Variants in TCERG1L observed in about 807,000 individuals in gnomAD.
The protein encoded by TCERG1L is transcription elongation regulator 1 like, also known as transcription elongation regulator 1-like protein.
In TCERG1L, 37 loss-of-function variants were observed where a neutral mutation model predicts 56.3. That is an observed-to-expected ratio of 0.66 (90% CI 0.51 to 0.87). The LOEUF (loss-of-function observed/expected upper bound fraction) is 0.87. Among genes scored for constraint, TCERG1L ranks in the 40% least tolerant of loss-of-function variants. The pLI is 0.00. For missense variants in TCERG1L, 799 were observed against 774.2 expected, an observed-to-expected ratio of 1.03 and a Z score of -0.38; for synonymous variants, 324 against 326.3, an observed-to-expected ratio of 0.99 and a Z score of 0.08.
intron 5 of TCERG1L, among the ~76,000 whole-genome samples, chr10:131,165,891 A>G (rs1158650031): frequency 2.0e-5 from 3 of 152,254 alleles, no homozygotes; most frequent in Non-Finnish European, 4.4e-5. Context: ...AAAGTGAATT[A>G]GACTCGAAGA....
intron 8 of TCERG1L, among the ~76,000 whole-genome samples, chr10:131,127,388 G>A (rs1845575107): frequency 6.6e-6 from 1 of 152,216 alleles, no homozygotes; most frequent in African/African-American, 2.4e-5. Context: ...GCATTCCCAG[G>A]CCAGGAGGCA....
At chr10:131,241,214 G>A (rs1009043642) in intron 4 of TCERG1L, among the ~76,000 whole-genome samples, 17 of 152,214 alleles carry the variant, frequency 1.1e-4, no homozygotes, top group African/African-American at 3.9e-4. Flanking sequence ...CGAGGCTGGG[G>A]GTGGGGAACA....
intron 9 of TCERG1L, among the ~76,000 whole-genome samples, chr10:131,111,855 G>A (rs1349820027): frequency 2.1e-5 from 3 of 143,300 alleles, no homozygotes; most frequent in African/African-American, 4.9e-5. Flanking sequence ...TGTTGAGGGC[G>A]GCCTGCCCTT....
At chr10:131,150,900 G>T (rs187352043) in intron 6 of TCERG1L, among the ~76,000 whole-genome samples, 1 of 152,188 alleles carries the variant, frequency 6.6e-6, no homozygotes, top group Non-Finnish European at 1.5e-5. Flanking sequence ...ATGGCAGAAG[G>T]CACCTCTTCA....
intron 3 of TCERG1L, among the ~76,000 whole-genome samples, chr10:131,303,100 G>A (rs959569723): frequency 2.0e-5 from 3 of 151,984 alleles, no homozygotes; most frequent in Non-Finnish European, 2.9e-5. Flanking sequence ...GTGTGCATGT[G>A]TCTTTATAGT....
chr10:131,250,558 T>C (rs1379503332), intron 4 of TCERG1L, among the ~76,000 whole-genome samples: 1 of 152,110 alleles, frequency 6.6e-6, no homozygotes. Context: ...CACACATGGG[T>C]TGTGAACCGA....
At chr10:131,098,240 A>G in intron 11 of TCERG1L, 66 bp downstream of exon 11, 1 of 1,485,018 alleles carries the variant, frequency 6.7e-7, no homozygotes, top group Non-Finnish European at 9.1e-7. Flanking sequence ...ACAAACCTGA[A>G]GAGTCCTCTT....
At chr10:131,255,249 C>G (rs1589763009) in intron 4 of TCERG1L, among the ~76,000 whole-genome samples, 2 of 152,310 alleles carry the variant, frequency 1.3e-5, no homozygotes, top group South Asian at 4.1e-4. Flanking sequence ...CAAAAGTGAA[C>G]AAGATGGTAC....
intron 7 of TCERG1L, among the ~76,000 whole-genome samples, chr10:131,144,596 A>C (rs961962326): frequency 6.6e-6 from 1 of 152,088 alleles, no homozygotes; most frequent in African/African-American, 2.4e-5. Context: ...AAAAAAAAAG[A>C]CTGGTTGAAA....
intron 4 of TCERG1L, among the ~76,000 whole-genome samples, chr10:131,178,916 A>G (rs11017799): frequency 0.034 from 5,169 of 152,356 alleles, 179 homozygotes; most frequent in South Asian, 0.085. Flanking sequence ...CGGTTCCAGC[A>G]GAGCCCCGCT....
chr10:131,105,063 G>C (rs1481526247), intron 9 of TCERG1L, among the ~76,000 whole-genome samples: 1 of 152,244 alleles, frequency 6.6e-6, no homozygotes, highest in African/African-American at 2.4e-5. Context: ...GGCTGTGACA[G>C]GGTCTCAGAT....
chr10:131,305,501 A>G (rs1464548656), intron 3 of TCERG1L, among the ~76,000 whole-genome samples: 1 of 152,034 alleles, frequency 6.6e-6, no homozygotes, highest in Non-Finnish European at 1.5e-5. Flanking sequence ...TAGCTCAACA[A>G]ACGATCCAGT....
chr10:131,182,886 G>A (rs749471940), intron 4 of TCERG1L, among the ~76,000 whole-genome samples: 4 of 152,082 alleles, frequency 2.6e-5, no homozygotes, highest in Non-Finnish European at 5.9e-5. Context: ...AGTTATTCCA[G>A]TCATTTGATA....
chr10:131,164,853 C>T (rs1484266470), intron 5 of TCERG1L, among the ~76,000 whole-genome samples: 3 of 152,174 alleles, frequency 2.0e-5, no homozygotes, highest in Non-Finnish European at 4.4e-5. Context: ...GAAGTCAATG[C>T]TCCAAAGTCC....
chr10:131,123,741 C>T (rs1458206647), intron 8 of TCERG1L, among the ~76,000 whole-genome samples: 2 of 152,288 alleles, frequency 1.3e-5, no homozygotes, highest in South Asian at 4.1e-4. Flanking sequence ...AGAGACAACT[C>T]TGGTAGCACC....
At chr10:131,187,644 G>A (rs1347913145) in intron 4 of TCERG1L, among the ~76,000 whole-genome samples, 1 of 152,170 alleles carries the variant, frequency 6.6e-6, no homozygotes, top group Non-Finnish European at 1.5e-5. Context: ...TGCCGCTTCT[G>A]GGGCCTCCTT....
At chr10:131,268,886 T>A (rs1192218263) in intron 3 of TCERG1L, among the ~76,000 whole-genome samples, 1 of 152,226 alleles carries the variant, frequency 6.6e-6, no homozygotes, top group Non-Finnish European at 1.5e-5. Flanking sequence ...TGATCTTCCA[T>A]CCACACCATT....
intron 3 of TCERG1L, among the ~76,000 whole-genome samples, chr10:131,268,316 T>C (rs1449596908): frequency 6.6e-6 from 1 of 152,238 alleles, no homozygotes; most frequent in African/African-American, 2.4e-5. Flanking sequence ...TAATGGGCTT[T>C]AAATACTCAG....
At chr10:131,309,080 T>C (rs1048181694) in intron 2 of TCERG1L, 73 bp downstream of exon 2, 6 of 1,534,882 alleles carry the variant, frequency 3.9e-6, no homozygotes, top group Non-Finnish European at 5.3e-6. Context: ...ATGGGTATTT[T>C]TGTTGTTATG....
Sources: allele counts gnomAD v4.1 joint callset (sites outside exome capture counted in the v4.1 genomes callset), GRCh38; gene constraint gnomAD v4.1.1; transcripts MANE v1.5; gene names NCBI Gene and HGNC (gene_info 2026-07-23, HGNC 2026-07-21).